LAPTM4B: variants seen among roughly 807,000 people sequenced by gnomAD.
LAPTM4B encodes the protein lysosomal protein transmembrane 4 beta, also known as lysosomal-associated transmembrane protein 4B.
In LAPTM4B, 26 loss-of-function variants were observed where a neutral mutation model predicts 28.5. That is an observed-to-expected ratio of 0.91 (90% confidence interval 0.67 to 1.27). The LOEUF (loss-of-function observed/expected upper bound fraction) is 1.27. Ranked by LOEUF, LAPTM4B falls within the 50% of genes most tolerant of loss-of-function variation. The probability of loss-of-function intolerance (pLI) is 0.00; values close to 1 mark genes in which losing one functional copy is unlikely to be tolerated. For missense variants in LAPTM4B, 288 were observed against 285.8 expected, an observed-to-expected ratio of 1.01 and a Z score of -0.06; for synonymous variants, 109 against 106.4, an observed-to-expected ratio of 1.02 and a Z score of -0.15.
At chr8:97,828,160 A>G (rs546478002) in intron 6 of LAPTM4B, among the ~76,000 whole-genome samples, 2 of 152,272 alleles carry the variant, frequency 1.3e-5, no homozygotes, top group South Asian at 4.1e-4. Context: ...AACAAAAATG[A>G]GAAAGAGTAG....
At position 97,820,470 on chromosome 8, in the gene LAPTM4B, T is replaced by C. The variant is rs1816987107; in HGVS notation, c.507+1232T>C. Among the ~76,000 whole-genome samples, 3 of 152,068 alleles carry C rather than the reference T, an allele frequency of 2.0e-5. No individual in the cohort carries two copies. The South Asian group carries it at 6.2e-4, about 32-fold the overall frequency. ...GTCTTAATTTTGGCATAAAATTATG[T>C]CATTCTTCAAAAATCATGCCTCAGT... On this transcript the variant is annotated intron_variant, in intron 5 of 6. Coordinates refer to ENST00000521545, the MANE Select transcript of LAPTM4B (RefSeq NM_018407.6).
chr8:97,845,441 C>T (rs1267319057), intron 6 of LAPTM4B, among the ~76,000 whole-genome samples: 1 of 151,302 alleles, frequency 6.6e-6, no homozygotes, highest in African/African-American at 2.4e-5. Context: ...ATGCTATTTT[C>T]CAAAGGTTTG....
At chr8:97,825,228 G>A in intron 6 of LAPTM4B, 75 bp downstream of exon 6, 1 of 739,714 alleles carries the variant, frequency 1.4e-6, no homozygotes. Flanking sequence ...TGTTTCTAGT[G>A]TTTGCTACAT....
chr8:97,840,254 G>C (rs1194569244), intron 6 of LAPTM4B, among the ~76,000 whole-genome samples: 1 of 152,202 alleles, frequency 6.6e-6, no homozygotes, highest in Non-Finnish European at 1.5e-5. Context: ...TTGGGCCACT[G>C]TATTGGTATT....
At chr8:97,788,822 G>A (rs1816450160) in intron 1 of LAPTM4B, among the ~76,000 whole-genome samples, 1 of 151,468 alleles carries the variant, frequency 6.6e-6, no homozygotes, top group African/African-American at 2.4e-5. Flanking sequence ...AGCCTCCTGA[G>A]TAGCTGAGAC....
intron 1 of LAPTM4B, among the ~76,000 whole-genome samples, chr8:97,800,883 A>G (rs1296090834): frequency 2.6e-5 from 4 of 152,056 alleles, no homozygotes; most frequent in Non-Finnish European, 5.9e-5. Flanking sequence ...AGGCCGGGGC[A>G]GGAGGATCAC....
chr8:97,808,601 G>T lies in LAPTM4B; in HGVS notation c.211+3137G>T, dbSNP rs1474222149. 2.0e-5 allele frequency among the ~76,000 whole-genome samples: 3 copies of T among 152,142 alleles called. No homozygotes were observed. In the East Asian group the frequency reaches 5.8e-4, roughly 29 times the overall value. ...CATATAAAAGAAGTTTAAAAAAACA[G>T]ATTCAGGTGAATATCCACTTTTCTG... On this transcript the variant is annotated intron_variant, in intron 2 of 6. Transcript: ENST00000521545.
chr8:97,788,646 T>C (rs957191313), intron 1 of LAPTM4B, among the ~76,000 whole-genome samples: 8 of 152,174 alleles, frequency 5.3e-5, no homozygotes, highest in African/African-American at 1.7e-4. Context: ...GTATGAAATA[T>C]ATATTCTAAA....
At chr8:97,847,418 C>A (rs983631786) in intron 6 of LAPTM4B, among the ~76,000 whole-genome samples, 1 of 152,122 alleles carries the variant, frequency 6.6e-6, no homozygotes, top group Non-Finnish European at 1.5e-5. Flanking sequence ...ATTCTTAGTT[C>A]TCAGAGATTA....
At chr8:97,794,595 T>G (rs1013336955) in intron 1 of LAPTM4B, among the ~76,000 whole-genome samples, 2 of 138,478 alleles carry the variant, frequency 1.4e-5, no homozygotes, top group African/African-American at 4.9e-5. Context: ...AAGAAGTTTA[T>G]TTTGATATCA....
intron 6 of LAPTM4B, among the ~76,000 whole-genome samples, chr8:97,834,518 G>C (rs1027854860): frequency 5.9e-5 from 9 of 151,630 alleles, no homozygotes; most frequent in Admixed American, 6.6e-5. Flanking sequence ...TCTTCAAGTT[G>C]GTTTCTGAGT....
intron 6 of LAPTM4B, among the ~76,000 whole-genome samples, chr8:97,843,854 T>C (rs1817390011): frequency 6.6e-6 from 1 of 152,112 alleles, no homozygotes; most frequent in South Asian, 2.1e-4. Context: ...TCTTGAAGAA[T>C]AGTAGCTGAA....
intron 6 of LAPTM4B, among the ~76,000 whole-genome samples, chr8:97,850,268 C>G (rs1817502306): frequency 6.6e-6 from 1 of 151,934 alleles, no homozygotes; most frequent in Admixed American, 6.5e-5. Flanking sequence ...TGCCCTCTGC[C>G]TAGGCAGCTG....
intron 6 of LAPTM4B, among the ~76,000 whole-genome samples, chr8:97,842,582 G>C (rs955819599): frequency 5.9e-5 from 9 of 151,708 alleles, no homozygotes; most frequent in African/African-American, 2.2e-4. Flanking sequence ...GCACTGGCGC[G>C]ATCTCAGCTC....
intron 1 of LAPTM4B, among the ~76,000 whole-genome samples, chr8:97,789,317 G>A (rs1816461052): frequency 6.7e-6 from 1 of 150,372 alleles, no homozygotes; most frequent in South Asian, 2.1e-4. Context: ...TAGGTGATCC[G>A]CCCACCTTGG....
intron 6 of LAPTM4B, among the ~76,000 whole-genome samples, chr8:97,834,234 C>G (rs919458526): frequency 2.6e-5 from 4 of 151,064 alleles, no homozygotes; most frequent in African/African-American, 9.7e-5. Context: ...TGGGACTTAG[C>G]TGGAAGCTGC....
At chr8:97,804,817 C>T (rs537645253) in intron 1 of LAPTM4B, among the ~76,000 whole-genome samples, 13 of 151,962 alleles carry the variant, frequency 8.6e-5, no homozygotes, top group African/African-American at 2.9e-4. Context: ...CCTGGCCTGG[C>T]CTGGAAAGGG....
At chr8:97,796,799 A>G (rs1275091055) in intron 1 of LAPTM4B, among the ~76,000 whole-genome samples, 1 of 152,060 alleles carries the variant, frequency 6.6e-6, no homozygotes, top group Non-Finnish European at 1.5e-5. Flanking sequence ...AATTAGCTGG[A>G]TGTGGTAGCC....
intron 5 of LAPTM4B, among the ~76,000 whole-genome samples, chr8:97,823,084 G>C (rs774985436): frequency 6.6e-6 from 1 of 151,918 alleles, no homozygotes; most frequent in Non-Finnish European, 1.5e-5. Flanking sequence ...TTTGTGATCC[G>C]CCCACCTCGG....
Sources: gnomAD v4.1 joint callset for allele counts (sites outside exome capture counted in the v4.1 genomes callset) on GRCh38, gnomAD v4.1.1 for gene constraint, MANE v1.5 for transcripts, NCBI Gene and HGNC (gene_info 2026-07-23, HGNC 2026-07-21) for gene names.